Variants in PRSS55 observed in about 807,000 individuals in gnomAD.
PRSS55 encodes serine protease 55, also known as probable serine protease UNQ9391/PRO34284.
In PRSS55, 41 loss-of-function variants were observed where a neutral mutation model predicts 23.6. That is an observed-to-expected ratio of 1.74 (90% confidence interval 1.35 to 2.26). The LOEUF (loss-of-function observed/expected upper bound fraction) is 2.26, where lower values mean the gene tolerates loss of function less well. PRSS55 is among the 30% of genes most tolerant of loss of function. PRSS55 has a pLI of 0.00. For synonymous variants in PRSS55, 262 were observed against 175.5 expected, an observed-to-expected ratio of 1.49 and a Z score of -3.90; for missense variants, 669 against 439.1, an observed-to-expected ratio of 1.52 and a Z score of -4.68.
At chr8:10,527,572 G>T (rs1812077649) in intron 1 of PRSS55, among the ~76,000 whole-genome samples, 1 of 152,246 alleles carries the variant, frequency 6.6e-6, no homozygotes, top group Non-Finnish European at 1.5e-5. Context: ...CTGAAGAAGG[G>T]ATTCTTGGGC....
At chr8:10,542,406 G>A (rs1331216974), downstream of PRSS55, among the ~76,000 whole-genome samples, 1 of 107,334 alleles carries the variant, frequency 9.3e-6, no homozygotes, top group Admixed American at 1.1e-4. Flanking sequence ...TGGCCTAGAA[G>A]CACCATGCGG....
chr8:10,553,900 C>T, intron 4 of PRSS55: 2 of 1,325,688 alleles, frequency 1.5e-6, no homozygotes, highest in South Asian at 2.7e-5. Flanking sequence ...ACAATAAATA[C>T]ATAAAATTTT....
At position 10,529,683 on chromosome 8, in the gene PRSS55, T is replaced by C; in HGVS notation, c.331T>C (p.Tyr111His). Reference sequence around the variant, plus strand: ...GATTCTCACTGCGGCTCACTGCTTATATTCCGAGGAGCTGTTGTAAGTACC... The same window carrying C: ...GATTCTCACTGCGGCTCACTGCTTACATTCCGAGGAGCTGTTGTAAGTACC... Reference protein sequence around the residue: ...WWILTAAHCLYSEELFPEELS... With the variant: ...WWILTAAHCLHSEELFPEELS... Residue 111 changes from tyrosine (Y) to histidine (H), a missense_variant, in exon 2 of 5, where the codon TAT (tyrosine) becomes CAT (histidine). Tyr to His is a moderately conservative substitution (Grantham distance 83). Coordinates refer to ENST00000328655, the MANE Select transcript of PRSS55 (RefSeq NM_198464.4). The C allele has an allele frequency of 1.9e-6, 3 of 1,613,886 alleles. No homozygotes were observed. Among genetic ancestry groups the C allele is most frequent in the Non-Finnish European group, 2.5e-6 (3 of 1,179,776 alleles).
chr8:10,543,431 C>CTTTTCTTTTCTTTT (rs1563547223), downstream of PRSS55, among the ~76,000 whole-genome samples: 2 of 18,830 alleles, frequency 1.1e-4, no homozygotes, highest in African/African-American at 1.7e-4. Flanking sequence ...TTTCTTCCTT[C>CTTTTCTTTTCTTTT]CTTCCTTCCT....
In PRSS55 at chr8:10,529,559, A is replaced by AG. The variant is rs1230674150; in HGVS notation, c.213dup (p.Met72AspfsTer7). On this transcript the variant is annotated frameshift_variant, in exon 2 of 5. Transcript: ENST00000328655. LOFTEE classifies it high-confidence loss of function. ...GAAGAACTCGGTATTCCAGAATCAC[A>AG]GGGGGGATGGAGGCGGAGGTGGGTG... 6.2e-7 allele frequency: 1 copy of AG among 1,614,160 alleles called. No individual in the cohort carries two copies. The highest frequency in any genetic ancestry group is 1.1e-5 in the South Asian group (1 of 91,080).
At chr8:10,543,671 C>A (rs1426116688), downstream of PRSS55, among the ~76,000 whole-genome samples, 2 of 151,624 alleles carry the variant, frequency 1.3e-5, no homozygotes, top group Non-Finnish European at 2.9e-5. Context: ...TAAGCATTTA[C>A]AGCTAGACAT....
intron 4 of PRSS55, among the ~76,000 whole-genome samples, chr8:10,553,173 T>G (rs1253209392): frequency 1.3e-5 from 2 of 152,228 alleles, no homozygotes; most frequent in East Asian, 3.8e-4. Flanking sequence ...GATGGTTTCA[T>G]AAGGGGCTCC....
chr8:10,531,214 G>A lies in PRSS55; in HGVS notation c.348-81G>A, dbSNP rs1346187725. On this transcript the variant is annotated intron_variant, in intron 2 of 4. Coordinates refer to ENST00000328655, the MANE Select transcript of PRSS55 (RefSeq NM_198464.4). Reference sequence around the variant, plus strand: ...GGTCCTAGAGCTACATGGGATTTAGGTTTCTGGGCACAGCCAATTCTGCCG... The same window carrying A: ...GGTCCTAGAGCTACATGGGATTTAGATTTCTGGGCACAGCCAATTCTGCCG... The A allele has an allele frequency of 7.7e-6, 12 of 1,558,652 alleles. No homozygotes were observed. The East Asian group carries it at 1.3e-4, about 18-fold the overall frequency.
chr8:10,543,481 T>TTTC (rs1554584969), downstream of PRSS55, among the ~76,000 whole-genome samples: 79 of 19,778 alleles, frequency 4.0e-3, 3 homozygotes, highest in African/African-American at 5.2e-3. Context: ...TCTTTCTCTC[T>TTTC]TTTTTTTTTT....
In PRSS55 at chr8:10,528,061, C is replaced by G. The variant is rs1373137064; in HGVS notation, c.155-1446C>G. 3.9e-5 allele frequency among the ~76,000 whole-genome samples: 6 copies of G among 152,134 alleles called. No homozygotes were observed. In the East Asian group the frequency reaches 1.2e-3, roughly 30 times the overall value. ...GAAACCCTGTCTCTACTAAAAAATA[C>G]AAAAACTGTAGTCCCAGCTACTTGG... On this transcript the variant is annotated intron_variant, in intron 1 of 4. Coordinates refer to ENST00000328655, the MANE Select transcript of PRSS55 (RefSeq NM_198464.4).
At chr8:10,542,881 A>G (rs1710538318), downstream of PRSS55, among the ~76,000 whole-genome samples, 1 of 150,798 alleles carries the variant, frequency 6.6e-6, no homozygotes, top group South Asian at 2.1e-4. Flanking sequence ...CTCAAAAAAA[A>G]AAAAAAAAAA....
In PRSS55 at chr8:10,538,591, C is replaced by A. The variant is rs767454552; in HGVS notation, c.857C>A (p.Thr286Asn). The change falls in exon 5 of 5, where the codon ACC becomes AAC. Residue 286 changes from threonine to asparagine, a missense_variant. Coordinates refer to ENST00000328655, the MANE Select transcript of PRSS55 (RefSeq NM_198464.4). ...GAGAAGAACACCCCAGGGATATACA[C>A]CTCGTTGGTGAACTACAACCTCTGG... ...CGEKNTPGIYTSLVNYNLWIE... is the reference protein window; with the variant it reads ...CGEKNTPGIYNSLVNYNLWIE... 1 of 1,614,124 alleles carries A rather than the reference C, an allele frequency of 6.2e-7. No individual in the cohort carries two copies. Among genetic ancestry groups the A allele is most frequent in the East Asian group, 2.2e-5 (1 of 44,870 alleles).
At chr8:10,551,749 C>G (rs555786114) in intron 4 of PRSS55, among the ~76,000 whole-genome samples, 2 of 152,324 alleles carry the variant, frequency 1.3e-5, no homozygotes, top group East Asian at 3.9e-4. Context: ...GCTCCCACCC[C>G]ATCCTTTTAG....
At chr8:10,531,610 C>A in intron 3 of PRSS55, 65 bp downstream of exon 3, 1 of 1,586,406 alleles carries the variant, frequency 6.3e-7, no homozygotes, top group Non-Finnish European at 8.6e-7. Flanking sequence ...GGGGAGGAAG[C>A]TAAGGAAGGA....
intron 3 of PRSS55, among the ~76,000 whole-genome samples, chr8:10,532,674 A>T (rs1812311298): frequency 6.6e-6 from 1 of 152,138 alleles, no homozygotes; most frequent in South Asian, 2.1e-4. Context: ...TCTTCTTGGG[A>T]GTAGAAATTT....
chr8:10,543,413 C>CTTCT (rs371667900), downstream of PRSS55, among the ~76,000 whole-genome samples: 8 of 76,560 alleles, frequency 1.0e-4, no homozygotes, highest in East Asian at 2.1e-3. Flanking sequence ...TTCTTTCTTT[C>CTTCT]TTCTTTCTTT....
At chr8:10,526,997 G>C (rs751244982) in intron 1 of PRSS55, among the ~76,000 whole-genome samples, 5 of 152,206 alleles carry the variant, frequency 3.3e-5, no homozygotes, top group Admixed American at 6.5e-5. Flanking sequence ...CAGACAGAGA[G>C]ACAGAGGGCA....
At chr8:10,544,609 T>G (rs950686759) in intron 4 of PRSS55, among the ~76,000 whole-genome samples, 24 of 152,212 alleles carry the variant, frequency 1.6e-4, no homozygotes, top group African/African-American at 5.8e-4. Flanking sequence ...TTATAGCCTT[T>G]TGTGTCAAGT....
At chr8:10,527,782 A>G (rs1812086355) in intron 1 of PRSS55, among the ~76,000 whole-genome samples, 1 of 152,218 alleles carries the variant, frequency 6.6e-6, no homozygotes, top group Non-Finnish European at 1.5e-5. Flanking sequence ...CAAAGTGAGG[A>G]TGAAAATAAG....
Sources: allele counts gnomAD v4.1 joint callset (sites outside exome capture counted in the v4.1 genomes callset), GRCh38; gene constraint gnomAD v4.1.1; transcripts MANE v1.5; gene names NCBI Gene and HGNC (gene_info 2026-07-23, HGNC 2026-07-21).